The following CBFA2T3 variants were observed in gnomAD, a reference collection of about 807,000 sequenced individuals.
The protein encoded by CBFA2T3 is CBFA2/RUNX1 partner transcriptional co-repressor 3, also known as transcriptional corepressor CBFA2T3.
A neutral mutation model predicts 58.6 loss-of-function variants in CBFA2T3; 31 were observed. The observed-to-expected ratio is 0.53, with a 90% CI of 0.40 to 0.71. CBFA2T3 has a LOEUF of 0.71. CBFA2T3 is among the 30% of genes least tolerant of loss of function. The probability of loss-of-function intolerance (pLI) is 0.00; values close to 1 mark genes in which losing one functional copy is unlikely to be tolerated. For synonymous variants in CBFA2T3, 531 were observed against 421.9 expected (o/e 1.26, Z -3.17); for missense variants, 1,076 against 963.1 (o/e 1.12, Z -1.55).
chr16:88,907,259 A>G (rs1970369901), intron 1 of CBFA2T3, among the ~76,000 whole-genome samples: 1 of 152,184 alleles, frequency 6.6e-6, no homozygotes, highest in South Asian at 2.1e-4. Context: ...GCCGCCCAGC[A>G]CAAGGGGGTC....
Position 88,877,114 on chromosome 16 carries a change from A to T in CBFA2T3, c.1824T>A (p.Pro608=). ...GPTAVVADPV[P]GPPEAAHSLG... Reference sequence around the variant, plus strand: ...GGCTGTGGGCGGCTTCGGGCGGTCCAGGCACCGGGTCGGCCACCACGGCTG... The same window carrying T: ...GGCTGTGGGCGGCTTCGGGCGGTCCTGGCACCGGGTCGGCCACCACGGCTG... Residue 608 remains proline, a synonymous_variant, in exon 12 of 12, where the codon CCT becomes CCA. Transcript: ENST00000268679. The T allele has an allele frequency of 1.3e-6, 2 of 1,547,106 alleles. No homozygotes were observed. Among genetic ancestry groups the T allele is most frequent in the South Asian group, 2.4e-5 (2 of 83,930 alleles).
intron 1 of CBFA2T3, among the ~76,000 whole-genome samples, chr16:88,903,674 T>A (rs1360273835): frequency 1.6e-4 from 10 of 63,006 alleles, no homozygotes; most frequent in Non-Finnish European, 2.4e-4. Context: ...GGGGGGGCGT[T>A]CCTGGGGGGG....
chr16:88,942,230 C>T (rs976288618), intron 1 of CBFA2T3, among the ~76,000 whole-genome samples: 3 of 152,140 alleles, frequency 2.0e-5, no homozygotes, highest in Non-Finnish European at 4.4e-5. Flanking sequence ...GCGTGTCTGG[C>T]GCATTTGCCT....
intron 1 of CBFA2T3, among the ~76,000 whole-genome samples, chr16:88,968,009 C>G (rs1972557472): frequency 1.3e-5 from 2 of 152,216 alleles, no homozygotes; most frequent in Admixed American, 1.3e-4. Context: ...TTTCTGCATC[C>G]TTCTTTTCGC....
At chr16:88,928,517 G>A (rs900602565) in intron 1 of CBFA2T3, among the ~76,000 whole-genome samples, 2 of 152,248 alleles carry the variant, frequency 1.3e-5, no homozygotes, top group African/African-American at 4.8e-5. Context: ...CAGCTTGCAG[G>A]CAGCCCAGCC....
At chr16:88,894,899 G>A (rs927933524) in intron 3 of CBFA2T3, among the ~76,000 whole-genome samples, 44 of 151,344 alleles carry the variant, frequency 2.9e-4, no homozygotes, top group African/African-American at 1.1e-3. Flanking sequence ...CTGGTGCAGC[G>A]GCTCCCCCTG....
chr16:88,879,254 G>C lies in CBFA2T3; in HGVS notation c.1662+16C>G. 6.3e-7 allele frequency: 1 copy of C among 1,577,638 alleles called. No individual in the cohort carries two copies. The highest frequency in any genetic ancestry group is 8.6e-7 in the Non-Finnish European group (1 of 1,159,660). On this transcript the variant is annotated intron_variant, in intron 11 of 11. Coordinates refer to ENST00000268679, the MANE Select transcript of CBFA2T3 (RefSeq NM_005187.6). ...CGAGGCAGGGGATGGGTGTCAGCGT[G>C]GCCGGGTGGCCCTACCTCGCTGGAG... is the stretch of plus-strand genomic sequence containing the variant.
chr16:88,913,255 A>G (rs1033646615), intron 1 of CBFA2T3, among the ~76,000 whole-genome samples: 1 of 152,262 alleles, frequency 6.6e-6, no homozygotes, highest in African/African-American at 2.4e-5. Context: ...CACGCAGGAC[A>G]GGGTTGGCCC....
In CBFA2T3 at chr16:88,977,065, C is replaced by A. The variant is rs955843843; in HGVS notation, c.-258G>T. 1.4e-5 allele frequency: 6 copies of A among 421,906 alleles called. No individual in the cohort carries two copies. Among genetic ancestry groups the A allele is most frequent in the African/African-American group, 2.0e-5 (1 of 50,872 alleles). 26.1% of individuals were successfully genotyped at this position (421,906 alleles called of 1,614,324 possible). On this transcript the variant is annotated 5_prime_UTR_variant, in exon 1 of 12. Coordinates refer to ENST00000268679, the MANE Select transcript of CBFA2T3 (RefSeq NM_005187.6). ...TGGGGCTGCAGGCTGGGGAAGGTCT[C>A]CCTGCAGCCTGCGGGTGAGGCAGCC...
chr16:88,888,750 G>A (rs1446199870), intron 5 of CBFA2T3, among the ~76,000 whole-genome samples: 1 of 151,774 alleles, frequency 6.6e-6, no homozygotes, highest in African/African-American at 2.4e-5. Flanking sequence ...CCTCCCCCTA[G>A]AAGCGCCATG....
intron 1 of CBFA2T3, among the ~76,000 whole-genome samples, chr16:88,906,159 G>A (rs1004623111): frequency 6.6e-6 from 1 of 152,112 alleles, no homozygotes; most frequent in African/African-American, 2.4e-5. Context: ...AGTCTCTGGA[G>A]CTCCCACCGG....
chr16:88,894,391 GCACACACA>G, intron 3 of CBFA2T3, among the ~76,000 whole-genome samples: 1 of 109,684 alleles, frequency 9.1e-6, no homozygotes, highest in Non-Finnish European at 1.8e-5. Flanking sequence ...GTACACACAT[GCACACACA>G]CATGCACACA....
chr16:88,909,099 G>A (rs769898974), intron 1 of CBFA2T3, among the ~76,000 whole-genome samples: 6 of 152,178 alleles, frequency 3.9e-5, no homozygotes, highest in Non-Finnish European at 7.4e-5. Flanking sequence ...CAACCAACCC[G>A]AGGGCTCCAG....
intron 5 of CBFA2T3, among the ~76,000 whole-genome samples, chr16:88,890,650 G>A (rs1053747344): frequency 3.9e-5 from 6 of 152,254 alleles, no homozygotes; most frequent in African/African-American, 1.2e-4. Context: ...GCACTCCCGT[G>A]CCCGTCCCGT....
At chr16:88,949,256 C>T (rs377428720) in intron 1 of CBFA2T3, among the ~76,000 whole-genome samples, 2 of 152,152 alleles carry the variant, frequency 1.3e-5, no homozygotes, top group Admixed American at 6.6e-5. Flanking sequence ...ACAGGGGACC[C>T]CGATAAGAGA....
At chr16:88,911,199 C>CCCG (rs1286650157) in intron 1 of CBFA2T3, among the ~76,000 whole-genome samples, 1 of 152,274 alleles carries the variant, frequency 6.6e-6, no homozygotes, top group Admixed American at 6.5e-5. Flanking sequence ...TGCTGCCCTT[C>CCCG]CCGCCGTGGA....
At position 88,958,762 on chromosome 16, in the gene CBFA2T3, C is replaced by T. The variant is rs886360385; in HGVS notation, c.151+17895G>A. The stretch of plus-strand genomic sequence containing the variant: ...TCCCAGGGCTGGGGCCTCAGGGCCT[C>T]AGCGTAGCCCAGGTCTGCGCTGGCT... On this transcript the variant is annotated intron_variant, in intron 1 of 11. Coordinates refer to ENST00000268679, the MANE Select transcript of CBFA2T3 (RefSeq NM_005187.6). The surrounding 1 kb of genome is among the most constrained non-coding windows in gnomAD (Gnocchi z 4.0). Among the ~76,000 whole-genome samples, 1 of 152,074 alleles carries T rather than the reference C, an allele frequency of 6.6e-6. No homozygotes were observed. The highest frequency in any genetic ancestry group is 1.5e-5 in the Non-Finnish European group (1 of 68,002).
At chr16:88,880,298 T>TC (rs1366197167) in intron 10 of CBFA2T3, among the ~76,000 whole-genome samples, 1 of 150,996 alleles carries the variant, frequency 6.6e-6, no homozygotes, top group Non-Finnish European at 1.5e-5. Flanking sequence ...CCCCAGCCCC[T>TC]CCCCCAAGGC....
intron 1 of CBFA2T3, among the ~76,000 whole-genome samples, chr16:88,944,336 CAAAAAAAAAAAAAAA>C (rs767482759): frequency 4.7e-5 from 2 of 42,318 alleles, no homozygotes; most frequent in Non-Finnish European, 9.8e-5. Context: ...GACTCCATCT[CAAAAAAAAAAAAAAA>C]AAAAAAAAGG....
Sources: gnomAD v4.1 joint callset for allele counts (sites outside exome capture counted in the v4.1 genomes callset) on GRCh38, gnomAD v4.1.1 for gene constraint, Gnocchi (gnomAD v3.1) non-coding constraint, MANE v1.5 for transcripts, NCBI Gene and HGNC (gene_info 2026-07-23, HGNC 2026-07-21) for gene names.